Variants in ADAMTS2 observed in about 807,000 individuals in gnomAD.
ADAMTS2 encodes the protein A disintegrin and metalloproteinase with thrombospondin motifs 2.
Under a neutral mutation model 123.0 loss-of-function variants are expected in ADAMTS2, and 50 were observed. The ratio of observed to expected loss-of-function variants is 0.41; its 90% CI spans 0.32 to 0.51. The LOEUF (loss-of-function observed/expected upper bound fraction) is 0.51, where lower values mean the gene tolerates loss of function less well. ADAMTS2 is among the 20% of genes least tolerant of loss of function. ADAMTS2 has a pLI of 0.35. For missense variants in ADAMTS2, 1,494 were observed against 1,705.2 expected, an observed-to-expected ratio of 0.88 and a Z score of 2.18; for synonymous variants, 678 against 695.4, an observed-to-expected ratio of 0.98 and a Z score of 0.39.
At chr5:179,161,131 A>T (rs895738832) in intron 5 of ADAMTS2, among the ~76,000 whole-genome samples, 1 of 152,144 alleles carries the variant, frequency 6.6e-6, no homozygotes, top group Non-Finnish European at 1.5e-5. Context: ...GGAGGAAGGG[A>T]GTGGGTATCT....
intron 10 of ADAMTS2, 76 bp downstream of exon 10, chr5:179,152,066 G>C: frequency 7.3e-7 from 1 of 1,375,674 alleles, no homozygotes; most frequent in Non-Finnish European, 1.0e-6. Flanking sequence ...TTCAGGGCCT[G>C]TCCCTGGTGA....
intron 2 of ADAMTS2, among the ~76,000 whole-genome samples, chr5:179,333,586 G>T (rs1041534238): frequency 2.2e-5 from 3 of 139,222 alleles, no homozygotes; most frequent in Non-Finnish European, 3.1e-5. Flanking sequence ...CACAGATTTG[G>T]TTTTTTTCTG....
Position 179,190,261 on chromosome 5 carries a change from G to T in ADAMTS2, c.892-9106C>A, listed in dbSNP as rs529220461. 6.6e-5 allele frequency among the ~76,000 whole-genome samples: 10 copies of T among 152,278 alleles called. No homozygotes were observed. In the East Asian group the frequency reaches 1.9e-3, roughly 29 times the overall value. ...GAGATAATGGGTGATGCTTCTCAGG[G>T]CTGCTTCGAGCAGGATTAGGGGCAG... is the stretch of plus-strand genomic sequence containing the variant. On this transcript the variant is annotated intron_variant, in intron 4 of 21. Coordinates refer to ENST00000251582, the MANE Select transcript of ADAMTS2 (RefSeq NM_014244.5).
chr5:179,229,823 G>T (rs1228330565), intron 3 of ADAMTS2, among the ~76,000 whole-genome samples: 1 of 152,152 alleles, frequency 6.6e-6, no homozygotes, highest in Non-Finnish European at 1.5e-5. Context: ...TCGTAATTAG[G>T]CGTGAAATGG....
chr5:179,131,468 G>T (rs1342957038), intron 15 of ADAMTS2, among the ~76,000 whole-genome samples: 2 of 152,198 alleles, frequency 1.3e-5, no homozygotes, highest in Non-Finnish European at 2.9e-5. Context: ...CCACGGCAGC[G>T]TGGGAGCCCC....
At chr5:179,207,443 C>T (rs1239816572) in intron 4 of ADAMTS2, 70 bp downstream of exon 4, 11 of 1,529,618 alleles carry the variant, frequency 7.2e-6, no homozygotes, top group Middle Eastern at 1.8e-4. Flanking sequence ...CCCAGCTGGG[C>T]CTCTCTGGCC....
In ADAMTS2 at chr5:179,314,436, G is replaced by A. The variant is rs377588974; in HGVS notation, c.534+29331C>T. ...TCCCCACCCCGTGGCGTGGCGTGGC[G>A]TGGCCGGAATACTCAGTTTTCCCTG... On this transcript the variant is annotated intron_variant, in intron 2 of 21. Transcript: ENST00000251582. The surrounding 1 kb of genome is among the most constrained non-coding windows in gnomAD (Gnocchi z 4.5). 1.1e-4 allele frequency among the ~76,000 whole-genome samples: 17 copies of A among 150,878 alleles called. No individual in the cohort carries two copies. The highest frequency in any genetic ancestry group is 2.1e-4 in the Non-Finnish European group (14 of 67,972).
intron 21 of ADAMTS2, 120 bp downstream of exon 21, chr5:179,121,541 C>G (rs2113178253): frequency 1.3e-6 from 1 of 773,794 alleles, no homozygotes; most frequent in Middle Eastern, 2.5e-4. Context: ...CACCCCAGAG[C>G]GCGCCCGCAG....
chr5:179,339,925 G>A (rs1190171193), intron 2 of ADAMTS2, among the ~76,000 whole-genome samples: 2 of 152,224 alleles, frequency 1.3e-5, no homozygotes, highest in Admixed American at 6.5e-5. Context: ...CCTTAGGCCG[G>A]CTTCTGACTT....
intron 2 of ADAMTS2, among the ~76,000 whole-genome samples, chr5:179,294,918 GA>G (rs1756287942): frequency 6.6e-6 from 1 of 152,240 alleles, no homozygotes; most frequent in South Asian, 2.1e-4. Flanking sequence ...AAGAAGGAAG[GA>G]AGAGTCACTG....
chr5:179,294,501 G>T (rs1377001840), intron 2 of ADAMTS2, among the ~76,000 whole-genome samples: 1 of 152,206 alleles, frequency 6.6e-6, no homozygotes, highest in African/African-American at 2.4e-5. Flanking sequence ...CAGGGATGCT[G>T]AGCACCCATG....
At chr5:179,344,216 G>A in intron 1 of ADAMTS2, 55 bp from the exon 2 acceptor site, 1 of 1,525,254 alleles carries the variant, frequency 6.6e-7, no homozygotes, top group Admixed American at 2.0e-5. Context: ...CAGTGCCTCA[G>A]AGACCCGCCG....
chr5:179,318,621 T>C (rs868185532), intron 2 of ADAMTS2, among the ~76,000 whole-genome samples: 1 of 152,304 alleles, frequency 6.6e-6, no homozygotes, highest in Non-Finnish European at 1.5e-5. Context: ...CAAGGGCCAC[T>C]GTCCAGTGGC....
At position 179,117,774 on chromosome 5, in the gene ADAMTS2, G is replaced by A. The variant is rs898319328; in HGVS notation, c.3179-3450C>T. Among the ~76,000 whole-genome samples, 8 of 152,080 alleles carry A rather than the reference G, an allele frequency of 5.3e-5. No individual in the cohort carries two copies. The highest frequency in any genetic ancestry group is 1.9e-4 in the African/African-American group (8 of 41,416). The stretch of plus-strand genomic sequence containing the variant: ...GCTGGTCTTGAACTCCTGACCTTGT[G>A]ATCCATCCACCTCAGCCTCCCAAAG... On this transcript the variant is annotated intron_variant, in intron 21 of 21. Coordinates refer to ENST00000251582, the MANE Select transcript of ADAMTS2 (RefSeq NM_014244.5). The surrounding 1 kb of genome is among the most constrained non-coding windows in gnomAD (Gnocchi z 4.2).
intron 2 of ADAMTS2, among the ~76,000 whole-genome samples, chr5:179,305,312 C>T (rs1357906390): frequency 5.3e-5 from 8 of 152,070 alleles, no homozygotes; most frequent in Admixed American, 3.3e-4. Context: ...TAGGCTCTTG[C>T]GTATTTTAAA....
At chr5:179,323,074 G>A (rs1466097469) in intron 2 of ADAMTS2, among the ~76,000 whole-genome samples, 1 of 152,224 alleles carries the variant, frequency 6.6e-6, no homozygotes, top group Non-Finnish European at 1.5e-5. Flanking sequence ...ACAAAACCAA[G>A]GAGCCCTCAC....
chr5:179,185,068 G>A lies in ADAMTS2; in HGVS notation c.892-3913C>T, dbSNP rs1764137821. On this transcript the variant is annotated intron_variant, in intron 4 of 21. Coordinates refer to ENST00000251582, the MANE Select transcript of ADAMTS2 (RefSeq NM_014244.5). The surrounding 1 kb of genome is among the most constrained non-coding windows in gnomAD (Gnocchi z 5.9). ...AACCTCCCAGGGTTGGAAGCAGCGA[G>A]GCACCTTCCAAGCACAGAGGGGATG... 6.6e-6 allele frequency among the ~76,000 whole-genome samples: 1 copy of A among 152,130 alleles called. No homozygotes were observed. The highest frequency in any genetic ancestry group is 6.5e-5 in the Admixed American group (1 of 15,280).
chr5:179,254,760 G>A (rs1766007249), intron 3 of ADAMTS2, among the ~76,000 whole-genome samples: 1 of 152,222 alleles, frequency 6.6e-6, no homozygotes, highest in Non-Finnish European at 1.5e-5. Context: ...TATTTTGGCT[G>A]AAAGAAACAC....
intron 2 of ADAMTS2, among the ~76,000 whole-genome samples, chr5:179,313,534 TCATGCACACACA>T: frequency 1.3e-4 from 1 of 7,998 alleles, no homozygotes; most frequent in African/African-American, 4.6e-4. Flanking sequence ...GCATTCACAC[TCATGCACACACA>T]CACATCGAGA....
Sources: allele counts gnomAD v4.1 joint callset (sites outside exome capture counted in the v4.1 genomes callset), GRCh38; gene constraint gnomAD v4.1.1; non-coding constraint Gnocchi (gnomAD v3.1); transcripts MANE v1.5; gene names NCBI Gene and HGNC (gene_info 2026-07-23, HGNC 2026-07-21).